GTF3C1: variants seen among roughly 807,000 people sequenced by gnomAD.
GTF3C1 encodes the protein general transcription factor IIIC subunit 1.
A neutral mutation model predicts 226.7 loss-of-function variants in GTF3C1; 57 were observed. The observed-to-expected ratio is 0.25, with a 90% CI of 0.20 to 0.31. GTF3C1 has a LOEUF of 0.31. GTF3C1 is among the 10% of genes least tolerant of loss of function. GTF3C1 has a pLI of 1.00. For missense variants in GTF3C1, 2,217 were observed against 2,776.1 expected (o/e 0.80, Z 4.53); for synonymous variants, 1,090 against 1,084.8 (o/e 1.00, Z -0.09).
At position 27,491,622 on chromosome 16, in the gene GTF3C1, G is replaced by A. The variant is rs538959367; in HGVS notation, c.3151+716C>T. Among the ~76,000 whole-genome samples, 8 of 152,286 alleles carry A rather than the reference G, an allele frequency of 5.3e-5. No individual in the cohort carries two copies. The East Asian group carries it at 1.5e-3, about 29-fold the overall frequency. ...GGTCCTTCTAGGGAGAGAGAGGGGT[G>A]TGGGCAGAGGCTCCCCACAAAGCCC... is the stretch of plus-strand genomic sequence containing the variant. On this transcript the variant is annotated intron_variant, in intron 19 of 36. Coordinates refer to ENST00000356183, the MANE Select transcript of GTF3C1 (RefSeq NM_001520.4).
chr16:27,508,271 A>G (rs555886519), intron 8 of GTF3C1, among the ~76,000 whole-genome samples: 3 of 152,200 alleles, frequency 2.0e-5, no homozygotes, highest in East Asian at 1.9e-4. Context: ...TCAGCCTCCC[A>G]AAGTGTTGGG....
At chr16:27,521,993 T>A (rs531762914) in intron 6 of GTF3C1, among the ~76,000 whole-genome samples, 2 of 152,240 alleles carry the variant, frequency 1.3e-5, no homozygotes, top group Non-Finnish European at 2.9e-5. Context: ...TTAGCTTGTA[T>A]ACATCAATCC....
intron 25 of GTF3C1, among the ~76,000 whole-genome samples, chr16:27,483,672 T>C (rs527492462): frequency 6.6e-6 from 1 of 152,348 alleles, no homozygotes; most frequent in South Asian, 2.1e-4. Context: ...TACAGACTCA[T>C]TCCGCTTTAC....
intron 2 of GTF3C1, among the ~76,000 whole-genome samples, chr16:27,540,081 C>T (rs2089059936): frequency 6.6e-6 from 1 of 152,160 alleles, no homozygotes; most frequent in Admixed American, 6.5e-5. Context: ...GGTCCTGCTG[C>T]AGCCACACCA....
At chr16:27,501,773 G>A (rs1399765477) in intron 11 of GTF3C1, among the ~76,000 whole-genome samples, 3 of 152,218 alleles carry the variant, frequency 2.0e-5, no homozygotes, top group Non-Finnish European at 4.4e-5. Context: ...AGGTCTTACT[G>A]AGTCACTATG....
rs757228405 is a variant in GTF3C1, at chr16:27,492,667, T to C, written c.2923A>G (p.Met975Val). 2 of 1,607,576 alleles carry C rather than the reference T, an allele frequency of 1.2e-6. No individual in the cohort carries two copies. The highest frequency in any genetic ancestry group is 1.1e-5 in the South Asian group (1 of 90,910). Reference protein sequence around the residue: ...VVENLQRLCYMGLLQFGPTEK... With the variant: ...VVENLQRLCYVGLLQFGPTEK... ...GTGGGACCAAACTGTAGCAGCCCCATGTAGCACAGCCTCTGAAGGTTCTCC... is the reference window on the plus strand; with the variant it reads ...GTGGGACCAAACTGTAGCAGCCCCACGTAGCACAGCCTCTGAAGGTTCTCC... The change falls in exon 18 of 37, where the codon ATG becomes GTG. Residue 975 changes from methionine to valine, a missense_variant. Coordinates refer to ENST00000356183, the MANE Select transcript of GTF3C1 (RefSeq NM_001520.4). This position sits in a 1 kb window ranked among gnomAD's most constrained non-coding sequence, Gnocchi z 5.0.
At chr16:27,498,538 AG>A (rs1326024122) in intron 13 of GTF3C1, 91 bp downstream of exon 13, 1 of 766,428 alleles carries the variant, frequency 1.3e-6, no homozygotes, top group East Asian at 2.4e-5. Flanking sequence ...TGATCCATGC[AG>A]GTATAAAGAA....
chr16:27,516,532 C>T (rs762590742), intron 6 of GTF3C1, among the ~76,000 whole-genome samples: 4 of 152,236 alleles, frequency 2.6e-5, no homozygotes, highest in Admixed American at 1.3e-4. Flanking sequence ...CTTCTGTATC[C>T]GCCCGGCAAA....
Position 27,469,368 on chromosome 16 carries a change from T to C in GTF3C1, c.4997A>G (p.Asp1666Gly). 1 of 1,610,002 alleles carries C rather than the reference T, an allele frequency of 6.2e-7. No individual in the cohort carries two copies. The highest frequency in any genetic ancestry group is 2.2e-5 in the East Asian group (1 of 44,764). ...CTGGCAGGAGTTGACCACAATGCTG[T>C]CGTTGGGGTTGAGGTTGCGGGTGCT... is the stretch of plus-strand genomic sequence containing the variant. ...IVSTRNLNPN[D>G]SIVVNSCQMK... The change falls in exon 32 of 37, where the codon GAC (aspartate) becomes GGC (glycine). Residue 1666 changes from aspartate (D) to glycine (G), a missense_variant. Physicochemically the swap from Asp to Gly is moderately conservative, Grantham distance 94 (BLOSUM62 -1). This residue lies in a region of GTF3C1 where 455 missense variants were observed against 441.9 expected (regional missense o/e 1.03). Transcript: ENST00000356183. The surrounding 1 kb of genome is among the most constrained non-coding windows in gnomAD (Gnocchi z 4.5).
intron 1 of GTF3C1, among the ~76,000 whole-genome samples, chr16:27,547,445 C>T (rs370791518): frequency 1.2e-4 from 19 of 152,090 alleles, no homozygotes; most frequent in African/African-American, 4.3e-4. Flanking sequence ...AGACTCAACC[C>T]CCACGCTGTT....
At chr16:27,530,118 A>T (rs1567412063) in intron 5 of GTF3C1, among the ~76,000 whole-genome samples, 1 of 152,140 alleles carries the variant, frequency 6.6e-6, no homozygotes, top group Non-Finnish European at 1.5e-5. Flanking sequence ...TTCCTCTTAC[A>T]TTCTGGGGGG....
At chr16:27,535,338 C>T (rs575461464) in intron 4 of GTF3C1, among the ~76,000 whole-genome samples, 17 of 152,138 alleles carry the variant, frequency 1.1e-4, no homozygotes, top group Admixed American at 7.9e-4. Flanking sequence ...TTTGGGAGGC[C>T]GAGGTGGGCG....
chr16:27,536,511 G>T (rs964725275), intron 4 of GTF3C1, among the ~76,000 whole-genome samples: 4 of 152,192 alleles, frequency 2.6e-5, no homozygotes, highest in Non-Finnish European at 5.9e-5. Context: ...GCAGAAGAAT[G>T]GCTTAAATCT....
intron 2 of GTF3C1, among the ~76,000 whole-genome samples, chr16:27,542,420 G>A (rs549150060): frequency 1.3e-5 from 2 of 152,250 alleles, no homozygotes; most frequent in South Asian, 4.1e-4. Context: ...AATTAGCCGG[G>A]CATGGTAGCA....
At chr16:27,489,574 G>T in intron 20 of GTF3C1, 28 bp downstream of exon 20, 1 of 1,572,502 alleles carries the variant, frequency 6.4e-7, no homozygotes, top group Non-Finnish European at 8.6e-7. Flanking sequence ...CCCAGTCCTG[G>T]CCGGCCGCGC....
intron 25 of GTF3C1, chr16:27,483,508 A>T: frequency 2.2e-6 from 1 of 461,332 alleles, no homozygotes; most frequent in Non-Finnish European, 4.3e-6. Flanking sequence ...TCTCTAATCT[A>T]CTGCAAAGCA....
chr16:27,492,503 A>C lies in GTF3C1; in HGVS notation c.2986T>G (p.Leu996Val), dbSNP rs377443207. 42 of 1,612,678 alleles carry C rather than the reference A, an allele frequency of 2.6e-5. No individual in the cohort carries two copies. The highest frequency in any genetic ancestry group is 3.6e-5 in the Non-Finnish European group (42 of 1,178,794). ...FQDKDQVFIF[L>V]KKNAVIVDTT... ...TCAACAATGACTGCATTCTTCTTCA[A>C]GAAGATAAAGACCTAAGGGGAGACA... is the stretch of plus-strand genomic sequence containing the variant. Residue 996 changes from leucine (L) to valine (V), a missense_variant, in exon 19 of 37, where the codon TTG (leucine) becomes GTG (valine). By Grantham distance (32) the Leu-to-Val change is conservative. Transcript: ENST00000356183. The surrounding 1 kb of genome is among the most constrained non-coding windows in gnomAD (Gnocchi z 5.0).
intron 5 of GTF3C1, among the ~76,000 whole-genome samples, chr16:27,531,879 C>G (rs2088922819): frequency 6.6e-6 from 1 of 152,190 alleles, no homozygotes; most frequent in African/African-American, 2.4e-5. Context: ...TCCTGAGAGG[C>G]CTTCTCCATC....
chr16:27,542,091 A>T (rs2089093402), intron 2 of GTF3C1, among the ~76,000 whole-genome samples: 1 of 152,222 alleles, frequency 6.6e-6, no homozygotes, highest in Non-Finnish European at 1.5e-5. Context: ...GTCAGTTTGA[A>T]ACCTCTGCCT....
Sources: gnomAD v4.1 joint callset for allele counts (sites outside exome capture counted in the v4.1 genomes callset) on GRCh38, gnomAD v4.1.1 for gene constraint, gnomAD v4.1.1 regional missense constraint, Gnocchi (gnomAD v3.1) non-coding constraint, MANE v1.5 for transcripts, NCBI Gene and HGNC (gene_info 2026-07-23, HGNC 2026-07-21) for gene names.